The following SUMF1 variants were observed in gnomAD, a reference collection of about 807,000 sequenced individuals.
The protein encoded by SUMF1 is sulfatase modifying factor 1, also known as formylglycine-generating enzyme.
A neutral mutation model predicts 47.6 loss-of-function variants in SUMF1; 48 were observed. That is an observed-to-expected ratio of 1.01 (90% CI 0.80 to 1.28). The LOEUF (loss-of-function observed/expected upper bound fraction) is 1.28. Ranked by LOEUF, SUMF1 falls within the 50% of genes most tolerant of loss-of-function variation. The pLI is 0.00. For synonymous variants in SUMF1, 230 were observed against 192.1 expected, an observed-to-expected ratio of 1.20 and a Z score of -1.63; for missense variants, 571 against 485.4, an observed-to-expected ratio of 1.18 and a Z score of -1.66.
intron 9 of SUMF1, among the ~76,000 whole-genome samples, chr3:4,035,331 C>T (rs1212288155): frequency 3.9e-5 from 6 of 152,138 alleles, no homozygotes; most frequent in African/African-American, 1.4e-4. Flanking sequence ...TCCTTTGCCA[C>T]TTCCATCTAC....
intron 8 of SUMF1, among the ~76,000 whole-genome samples, chr3:4,284,997 G>C (rs937866388): frequency 6.6e-6 from 1 of 152,076 alleles, no homozygotes; most frequent in Non-Finnish European, 1.5e-5. Flanking sequence ...AATAACCGCT[G>C]ATCATCTTCG....
chr3:4,303,372 T>C (rs1283242045), intron 8 of SUMF1: 4 of 1,546,872 alleles, frequency 2.6e-6, no homozygotes, highest in South Asian at 1.2e-5. Context: ...GGCGGGTAAA[T>C]GTTCGCGGAA....
At chr3:4,312,051 G>T (rs558311185) in intron 8 of SUMF1, among the ~76,000 whole-genome samples, 2 of 152,056 alleles carry the variant, frequency 1.3e-5, no homozygotes, top group Admixed American at 1.3e-4. Flanking sequence ...TTAAATGACA[G>T]ATTTTTTTCA....
In SUMF1 at chr3:4,256,376, G is replaced by C. The variant is rs313654; in HGVS notation, c.1014+119954C>G. On this transcript the variant is annotated intron_variant and NMD_transcript_variant, in intron 8 of 12. Coordinates refer to the SUMF1 transcript ENST00000448413. ...AAATTGATAGACCACTAGCAAGACT[G>C]ATAAAGAAAAAAAGAGAGAAGAATC... is the stretch of plus-strand genomic sequence containing the variant. 6.1e-5 allele frequency among the ~76,000 whole-genome samples: 6 copies of C among 97,566 alleles called. No individual in the cohort carries two copies. The East Asian group carries it at 1.4e-3, about 23-fold the overall frequency. The allele number at this position is 97,566 out of a possible 152,430, so 64.0% of individuals were successfully genotyped here. A position where few individuals can be genotyped will look rare whatever the true frequency, so the allele number is the denominator to read the frequency against.
At chr3:4,417,513 G>C (rs1180631908) in intron 5 of SUMF1, among the ~76,000 whole-genome samples, 2 of 152,216 alleles carry the variant, frequency 1.3e-5, no homozygotes, top group East Asian at 1.9e-4. Flanking sequence ...CTTATAGAAA[G>C]CTGGGAGAGT....
intron 3 of SUMF1, among the ~76,000 whole-genome samples, chr3:4,441,724 C>G (rs1343373618): frequency 6.6e-6 from 1 of 151,820 alleles, no homozygotes; most frequent in African/African-American, 2.4e-5. Flanking sequence ...GATAATAATA[C>G]TCTGTTTTAA....
intron 8 of SUMF1, among the ~76,000 whole-genome samples, chr3:4,224,480 C>A (rs1232004461): frequency 2.0e-5 from 3 of 152,042 alleles, no homozygotes; most frequent in African/African-American, 7.2e-5. Flanking sequence ...TACCCTCACC[C>A]AGAGCTCACA....
At chr3:4,224,351 T>A (rs1258140308) in intron 8 of SUMF1, among the ~76,000 whole-genome samples, 1 of 152,160 alleles carries the variant, frequency 6.6e-6, no homozygotes, top group South Asian at 2.1e-4. Context: ...AATGAGTAAC[T>A]GTTTTTTATT....
intron 8 of SUMF1, among the ~76,000 whole-genome samples, chr3:4,116,974 T>C (rs1300233147): frequency 6.6e-6 from 1 of 152,042 alleles, no homozygotes; most frequent in Non-Finnish European, 1.5e-5. Context: ...GAATGCTAGG[T>C]GAACAAAACA....
Position 4,109,757 on chromosome 3 carries a change from C to T in SUMF1, c.1015-41012G>A, listed in dbSNP as rs143156073. 3.7e-4 allele frequency among the ~76,000 whole-genome samples: 56 copies of T among 152,206 alleles called. 1 individual carries two copies. The highest frequency in any genetic ancestry group is 3.4e-3 in the Middle Eastern group (1 of 294). ...GTGCATTTGTCACGTAGTTCTTGTG[C>T]CATGGTTTTCAGCTCCATCAGGTCA... On this transcript the variant is annotated intron_variant and NMD_transcript_variant, in intron 8 of 12. Coordinates refer to the SUMF1 transcript ENST00000448413.
chr3:4,223,340 C>T (rs1157326208), intron 8 of SUMF1, among the ~76,000 whole-genome samples: 1 of 152,122 alleles, frequency 6.6e-6, no homozygotes, highest in East Asian at 1.9e-4. Context: ...TTAATGACCT[C>T]CTTGTGCCTC....
chr3:4,099,746 A>G (rs978084603), intron 8 of SUMF1, among the ~76,000 whole-genome samples: 11 of 152,064 alleles, frequency 7.2e-5, no homozygotes, highest in African/African-American at 2.7e-4. Context: ...GAACTGATAA[A>G]AGCAGTAAAG....
intron 8 of SUMF1, among the ~76,000 whole-genome samples, chr3:4,173,768 C>G (rs1694889335): frequency 6.6e-6 from 1 of 151,994 alleles, no homozygotes; most frequent in South Asian, 2.1e-4. Context: ...TTTCAGCAAA[C>G]TAACACAGGA....
intron 8 of SUMF1, among the ~76,000 whole-genome samples, chr3:4,132,220 C>T (rs114546590): frequency 6.6e-6 from 1 of 152,174 alleles, no homozygotes; most frequent in Admixed American, 6.5e-5. Context: ...GAACGCCTCA[C>T]CTACCATCAT....
At chr3:4,224,339 G>A (rs1172058732) in intron 8 of SUMF1, among the ~76,000 whole-genome samples, 3 of 152,108 alleles carry the variant, frequency 2.0e-5, no homozygotes, top group Non-Finnish European at 4.4e-5. Flanking sequence ...GACAAGGTGT[G>A]TAATGAGTAA....
intron 1 of SUMF1, among the ~76,000 whole-genome samples, chr3:4,457,038 G>GTATATATATATACGTGTGTGTA (rs2079670235): frequency 1.8e-5 from 2 of 109,248 alleles, no homozygotes; most frequent in African/African-American, 6.2e-5. Flanking sequence ...ACGTGTGTGT[G>GTATATATATATACGTGTGTGTA]TATATATATA....
chr3:4,192,024 A>C (rs957645195), intron 8 of SUMF1, among the ~76,000 whole-genome samples: 2 of 152,118 alleles, frequency 1.3e-5, no homozygotes, highest in Admixed American at 6.6e-5. Flanking sequence ...ACAATTAAGA[A>C]ATGGCCAGTG....
At chr3:4,151,431 G>GTGTATATA (rs1197217005) in intron 8 of SUMF1, among the ~76,000 whole-genome samples, 11 of 138,336 alleles carry the variant, frequency 8.0e-5, no homozygotes, top group Admixed American at 6.5e-4. Context: ...GTGTATACAT[G>GTGTATATA]TGTATATATG....
rs904942073 is a variant in SUMF1, at chr3:4,069,607, G to C, written c.1015-862C>G. Among the ~76,000 whole-genome samples, 4 of 152,104 alleles carry C rather than the reference G, an allele frequency of 2.6e-5. 1 individual carries two copies. The highest frequency in any genetic ancestry group is 2.6e-4 in the Admixed American group (4 of 15,278). On this transcript the variant is annotated intron_variant and NMD_transcript_variant, in intron 8 of 12. Coordinates refer to the SUMF1 transcript ENST00000448413. ...GGGAGTTTACTGAGATTTAAAGGGA[G>C]TGTGAGGTGAGTGTGTTATGAATAT... is the stretch of plus-strand genomic sequence containing the variant.
Sources: gnomAD v4.1 joint callset for allele counts (sites outside exome capture counted in the v4.1 genomes callset) on GRCh38, gnomAD v4.1.1 for gene constraint, MANE v1.5 for transcripts, NCBI Gene and HGNC (gene_info 2026-07-23, HGNC 2026-07-21) for gene names.